TMEM59: variants seen among roughly 807,000 people sequenced by gnomAD.
TMEM59 encodes transmembrane protein 59, also known as dendritic cell factor 1.
Under a neutral mutation model 42.2 loss-of-function variants are expected in TMEM59, and 44 were observed. The observed-to-expected ratio is 1.04, with a 90% CI of 0.82 to 1.34. The LOEUF (loss-of-function observed/expected upper bound fraction) is 1.34. Ranked by LOEUF, TMEM59 falls within the 40% of genes most tolerant of loss-of-function variation. TMEM59 has a pLI of 0.00. For synonymous variants in TMEM59, 148 were observed against 145.8 expected (o/e 1.02, Z -0.11); for missense variants, 359 against 382.8 (o/e 0.94, Z 0.52).
In TMEM59 at chr1:54,041,752, CA is replaced by C. The variant is rs1166221699; in HGVS notation, c.596del (p.Leu199Ter). 1.2e-6 allele frequency: 2 copies of C among 1,613,726 alleles called. No individual in the cohort carries two copies. The highest frequency in any genetic ancestry group is 3.3e-5 in the Admixed American group (2 of 59,988). On this transcript the variant is annotated frameshift_variant, in exon 5 of 8. Transcript: ENST00000234831. LOFTEE classifies it high-confidence loss of function. The part of the protein sequence containing the change: ...APHLEQEPTN[L>X]RESSLSKMSY... Reference sequence around the variant, plus strand: ...ACATTTTGCTTAGAGATGATTCTCTCAAATTTGTAGGCTCCTGCTCCAAATG... The same window carrying C: ...ACATTTTGCTTAGAGATGATTCTCTCAATTTGTAGGCTCCTGCTCCAAATG...
intron 1 of TMEM59, among the ~76,000 whole-genome samples, chr1:54,050,314 G>C (rs1034646088): frequency 1.3e-5 from 2 of 151,566 alleles, no homozygotes; most frequent in African/African-American, 4.9e-5. Context: ...GTAGAGATGG[G>C]GTTTCACCAT....
At chr1:54,050,443 G>GT (rs1657491557) in intron 1 of TMEM59, among the ~76,000 whole-genome samples, 1 of 150,804 alleles carries the variant, frequency 6.6e-6, no homozygotes, top group African/African-American at 2.4e-5. Flanking sequence ...TTTCTATCTC[G>GT]TTTTTCAAAC....
chr1:54,049,880 G>A (rs959803320), intron 1 of TMEM59, among the ~76,000 whole-genome samples: 2 of 152,064 alleles, frequency 1.3e-5, no homozygotes, highest in African/African-American at 4.8e-5. Flanking sequence ...AGTAATCAAG[G>A]AGCTGGGAAT....
In TMEM59 at chr1:54,045,768, G is replaced by A; in HGVS notation, c.314C>T (p.Ser105Phe). The change falls in exon 3 of 8, where the codon TCC becomes TTC. Residue 105 changes from serine (S) to phenylalanine (F), a missense_variant. Physicochemically the swap from Ser to Phe is radical, Grantham distance 155 (BLOSUM62 -2). Transcript: ENST00000234831. The stretch of plus-strand genomic sequence containing the variant: ...GCAAGCATATTGCTCATCAGATTGG[G>A]AATATGCTTCTGTACATGCTGTAAG... ...ECESACTEAY[S>F]QSDEQYACHL... The A allele has an allele frequency of 6.2e-7, 1 of 1,613,872 alleles. No homozygotes were observed. Among genetic ancestry groups the A allele is most frequent in the Non-Finnish European group, 8.5e-7 (1 of 1,179,858 alleles).
chr1:54,048,702 T>C (rs780270345), intron 1 of TMEM59: 3 of 436,916 alleles, frequency 6.9e-6, no homozygotes, highest in Non-Finnish European at 1.4e-5. Context: ...AAACAGCATG[T>C]GCATATACCA....
In TMEM59 at chr1:54,053,038, C is replaced by T. The variant is rs1279982986; in HGVS notation, c.151G>A (p.Ala51Thr). The change falls in exon 1 of 8, where the codon GCC becomes ACC. Residue 51 changes from alanine (A) to threonine (T), a missense_variant. Ala to Thr is a moderately conservative substitution (Grantham distance 58). Coordinates refer to ENST00000234831, the MANE Select transcript of TMEM59 (RefSeq NM_004872.5). ...TGCAAGGGGTAGGTCAACTGACAGG[C>T]CCGGTGGCAAGACGCCGTATCACCC... is the stretch of plus-strand genomic sequence containing the variant. Reference protein sequence around the residue: ...VLGDTASCHRACQLTYPLHTY... With the variant: ...VLGDTASCHRTCQLTYPLHTY... The T allele has an allele frequency of 3.7e-6, 6 of 1,614,046 alleles. No individual in the cohort carries two copies. The highest frequency in any genetic ancestry group is 1.3e-5 in the African/African-American group (1 of 74,938).
chr1:54,050,554 T>C (rs1657495644), intron 1 of TMEM59, among the ~76,000 whole-genome samples: 1 of 149,088 alleles, frequency 6.7e-6, no homozygotes, highest in South Asian at 2.1e-4. Context: ...AGTGACATAA[T>C]TAAATATGTT....
intron 6 of TMEM59, among the ~76,000 whole-genome samples, chr1:54,037,662 T>C (rs1310384492): frequency 6.6e-6 from 1 of 152,214 alleles, no homozygotes. Context: ...ACTCACTTGA[T>C]AGTTTGCCAA....
At chr1:54,051,593 G>A (rs769366846) in intron 1 of TMEM59, among the ~76,000 whole-genome samples, 14 of 152,016 alleles carry the variant, frequency 9.2e-5, no homozygotes, top group Non-Finnish European at 1.8e-4. Context: ...CAAAATTGCC[G>A]AGAAAATCCC....
rs75147801 is a variant in TMEM59, at chr1:54,047,329, G to A, written c.233C>T (p.Ser78Leu). 6.2e-7 allele frequency: 1 copy of A among 1,613,856 alleles called. No homozygotes were observed. Among genetic ancestry groups the A allele is most frequent in the Non-Finnish European group, 8.5e-7 (1 of 1,179,904 alleles). The part of the protein sequence containing the change: ...YACQRGCRLF[S>L]ICQFVDDGID... ...TCCATCATCCACAAACTGACAAATT[G>A]AAAACAGCCTGCAACCTCTCTGACA... The change falls in exon 2 of 8, where the codon TCA becomes TTA. Residue 78 changes from serine to leucine, a missense_variant. Transcript: ENST00000234831.
intron 6 of TMEM59, 146 bp from the exon 7 acceptor site, chr1:54,036,864 G>A (rs1220467963): frequency 4.2e-6 from 2 of 481,496 alleles, no homozygotes; most frequent in East Asian, 7.0e-5. Flanking sequence ...CATACTTACA[G>A]AAGGAAATAT....
At chr1:54,035,046 A>G (rs1364899385) in intron 7 of TMEM59, among the ~76,000 whole-genome samples, 1 of 152,248 alleles carries the variant, frequency 6.6e-6, no homozygotes, top group Non-Finnish European at 1.5e-5. Context: ...CATTTCAGTT[A>G]GATGGGAAGA....
At position 54,045,750 on chromosome 1, in the gene TMEM59, T is replaced by G. The variant is rs746405907; in HGVS notation, c.332A>C (p.Tyr111Ser). The change falls in exon 3 of 8, where the codon TAT becomes TCT. Residue 111 changes from tyrosine to serine, a missense_variant. Coordinates refer to ENST00000234831, the MANE Select transcript of TMEM59 (RefSeq NM_004872.5). Reference protein sequence around the residue: ...TEAYSQSDEQYACHLGCQNQL... With the variant: ...TEAYSQSDEQSACHLGCQNQL... ...ATTCTGGCAACCAAGATGGCAAGCA[T>G]ATTGCTCATCAGATTGGGAATATGC... 1 of 1,614,138 alleles carries G rather than the reference T, an allele frequency of 6.2e-7. No homozygotes were observed. Among genetic ancestry groups the G allele is most frequent in the South Asian group, 1.1e-5 (1 of 91,088 alleles).
At position 54,052,586 on chromosome 1, in the gene TMEM59, A is replaced by G. The variant is rs553273635; in HGVS notation, c.189+414T>C. Among the ~76,000 whole-genome samples the G allele has an allele frequency of 3.0e-4, 45 of 152,204 alleles. No homozygotes were observed. In the South Asian group the frequency reaches 8.7e-3, roughly 30 times the overall value. The stretch of plus-strand genomic sequence containing the variant: ...TCCTGGCCCCGAGAGGCGCTTAGTA[A>G]ACAAGGGTTATCAATCAATCATTTG... On this transcript the variant is annotated intron_variant, in intron 1 of 7. Coordinates refer to ENST00000234831, the MANE Select transcript of TMEM59 (RefSeq NM_004872.5).
intron 5 of TMEM59, 36 bp downstream of exon 5, chr1:54,041,687 TA>T: frequency 6.5e-7 from 1 of 1,540,506 alleles, no homozygotes; most frequent in Non-Finnish European, 9.0e-7. Context: ...ATTTGACTGC[TA>T]ATGTTTTTAT....
chr1:54,036,911 C>T (rs1056060057), intron 6 of TMEM59, 193 bp from the exon 7 acceptor site: 18 of 349,132 alleles, frequency 5.2e-5, no homozygotes, highest in Non-Finnish European at 9.5e-5. Context: ...GGCATAAAGT[C>T]TTTTTCCTCC....
At chr1:54,047,523 T>A in intron 1 of TMEM59, 151 bp from the exon 2 acceptor site, 1 of 642,974 alleles carries the variant, frequency 1.6e-6, no homozygotes, top group African/African-American at 1.9e-5. Flanking sequence ...AGGAGCCAGT[T>A]GATACTCAAG....
intron 1 of TMEM59, among the ~76,000 whole-genome samples, chr1:54,050,678 C>T (rs1431712915): frequency 1.3e-5 from 2 of 151,812 alleles, no homozygotes; most frequent in East Asian, 1.9e-4. Context: ...CCTGCCTCAG[C>T]CTCCTGAGTA....
chr1:54,027,853 T>G lies in TMEM59; in HGVS notation c.*4297A>C, dbSNP rs1418298512. The G allele has an allele frequency of 6.6e-6, 1 of 152,004 alleles. No homozygotes were observed. Among genetic ancestry groups the G allele is most frequent in the Non-Finnish European group, 1.5e-5 (1 of 68,028 alleles). 9.4% of individuals were successfully genotyped at this position (152,004 alleles called of 1,614,324 possible). On this transcript the variant is annotated 3_prime_UTR_variant, in exon 8 of 8. Transcript: ENST00000234831. ...AGGTCTAAAAACTGTGCTCCAGAAT[T>G]TAATTACCACAAGGAGTTAGAAAAT... is the stretch of plus-strand genomic sequence containing the variant.
Sources: gnomAD v4.1 joint callset for allele counts (sites outside exome capture counted in the v4.1 genomes callset) on GRCh38, gnomAD v4.1.1 for gene constraint, MANE v1.5 for transcripts, NCBI Gene and HGNC (gene_info 2026-07-23, HGNC 2026-07-21) for gene names.